The following CAMTA1 variants were observed in gnomAD, a reference collection of about 807,000 sequenced individuals.
CAMTA1 encodes the protein calmodulin binding transcription activator 1, also known as calmodulin-binding transcription activator 1.
CAMTA1 carries 27 observed loss-of-function variants against 170.9 expected under a neutral mutation model. The ratio of observed to expected loss-of-function variants is 0.16; its 90% CI spans 0.12 to 0.22. CAMTA1 has a LOEUF of 0.22. CAMTA1 is among the 10% of genes least tolerant of loss of function. CAMTA1 has a pLI of 1.00. For synonymous variants in CAMTA1, 833 were observed against 891.5 expected (o/e 0.93, Z 1.17); for missense variants, 1,619 against 2,217.2 (o/e 0.73, Z 5.42).
rs749681485 is a variant in CAMTA1 at position 7,732,726 on chromosome 1, G to A, written c.3066+127G>A. ...CCCTGTATTCAGGCAGAAGGCCTGA[G>A]GGAGTACTTTACGGTACCTGTGCTT... On this transcript the variant is annotated intron_variant, in intron 12 of 22. Coordinates refer to ENST00000303635, the MANE Select transcript of CAMTA1 (RefSeq NM_015215.4). The surrounding 1 kb of genome is among the most constrained non-coding windows in gnomAD (Gnocchi z 4.1). 3 of 1,308,696 alleles carry A rather than the reference G, an allele frequency of 2.3e-6. No individual in the cohort carries two copies. Among genetic ancestry groups the A allele is most frequent in the Non-Finnish European group, 2.1e-6 (2 of 971,314 alleles). 81.1% of individuals were successfully genotyped at this position (1,308,696 alleles called of 1,614,324 possible).
chr1:7,410,886 A>G (rs2090663345), intron 5 of CAMTA1, among the ~76,000 whole-genome samples: 1 of 136,930 alleles, frequency 7.3e-6, no homozygotes, highest in South Asian at 2.7e-4. Flanking sequence ...ACGTGCATGG[A>G]GGGTGGGCGT....
At chr1:7,643,304 C>T (rs1006895521) in intron 7 of CAMTA1, among the ~76,000 whole-genome samples, 2 of 152,180 alleles carry the variant, frequency 1.3e-5, no homozygotes, top group African/African-American at 4.8e-5. Context: ...TCCATATGGC[C>T]GGGGAGCAGC....
At chr1:7,059,430 C>A (rs959750312) in intron 3 of CAMTA1, among the ~76,000 whole-genome samples, 1 of 152,120 alleles carries the variant, frequency 6.6e-6, no homozygotes, top group East Asian at 1.9e-4. Context: ...CCAGCCTGGA[C>A]GATATACCGG....
intron 3 of CAMTA1, among the ~76,000 whole-genome samples, chr1:6,920,640 C>G (rs1357387489): frequency 6.6e-6 from 1 of 152,244 alleles, no homozygotes; most frequent in Non-Finnish European, 1.5e-5. Context: ...AAACTTTTTC[C>G]TGGGCATCCA....
intron 4 of CAMTA1, among the ~76,000 whole-genome samples, chr1:7,110,201 TA>T (rs1643929607): frequency 6.6e-6 from 1 of 152,206 alleles, no homozygotes; most frequent in Admixed American, 6.5e-5. Context: ...GGCATCCTGT[TA>T]ACAAGAAGCA....
intron 4 of CAMTA1, among the ~76,000 whole-genome samples, chr1:7,174,587 G>A (rs1055426647): frequency 2.0e-5 from 3 of 152,222 alleles, no homozygotes; most frequent in African/African-American, 7.2e-5. Context: ...CAGACCAGGA[G>A]CAGAGGCTGG....
intron 5 of CAMTA1, among the ~76,000 whole-genome samples, chr1:7,386,734 C>A (rs1377886775): frequency 6.6e-6 from 1 of 152,200 alleles, no homozygotes; most frequent in Non-Finnish European, 1.5e-5. Flanking sequence ...CAAGTGGCAA[C>A]AGCTCCTGTT....
rs1307953410 is a variant in CAMTA1 at position 6,872,256 on chromosome 1, A to G, written c.234+47046A>G. Reference sequence around the variant, plus strand: ...CATCACCACCACCACCACCACCACCACCACCACATACCCTTTCCTCTGCAG... The same window carrying G: ...CATCACCACCACCACCACCACCACCGCCACCACATACCCTTTCCTCTGCAG... On this transcript the variant is annotated intron_variant, in intron 3 of 22. Coordinates refer to ENST00000303635, the MANE Select transcript of CAMTA1 (RefSeq NM_015215.4). Among the ~76,000 whole-genome samples the G allele has an allele frequency of 1.3e-4, 19 of 151,108 alleles. 1 individual carries two copies. The South Asian group carries it at 3.3e-3, about 27-fold the overall frequency.
intron 6 of CAMTA1, among the ~76,000 whole-genome samples, chr1:7,599,341 A>G (rs1232578036): frequency 2.0e-5 from 3 of 152,200 alleles, no homozygotes. Context: ...TGGTTACTGT[A>G]GCCTTGTAGT....
chr1:7,277,456 G>GT (rs1553119337), intron 5 of CAMTA1, among the ~76,000 whole-genome samples: 5 of 135,324 alleles, frequency 3.7e-5, no homozygotes, highest in Non-Finnish European at 7.9e-5. Context: ...TCCAAGCAAT[G>GT]GTGTGTGTGT....
intron 3 of CAMTA1, among the ~76,000 whole-genome samples, chr1:6,857,440 A>G (rs1662862296): frequency 6.6e-6 from 1 of 152,238 alleles, no homozygotes. Context: ...TTGCAGATGA[A>G]GAAGGCTTTG....
chr1:7,326,409 T>C (rs1424413106), intron 5 of CAMTA1, among the ~76,000 whole-genome samples: 1 of 152,184 alleles, frequency 6.6e-6, no homozygotes, highest in African/African-American at 2.4e-5. Flanking sequence ...AAAAGACATA[T>C]GCAAGTCCTA....
At chr1:6,794,257 G>A (rs1641905053) in intron 1 of CAMTA1, among the ~76,000 whole-genome samples, 1 of 152,118 alleles carries the variant, frequency 6.6e-6, no homozygotes, top group Non-Finnish European at 1.5e-5. Flanking sequence ...TCTTAGTGAA[G>A]AAAATGAAAA....
chr1:6,949,073 C>A (rs1351949588), intron 3 of CAMTA1, among the ~76,000 whole-genome samples: 7 of 152,220 alleles, frequency 4.6e-5, no homozygotes, highest in African/African-American at 1.7e-4. Flanking sequence ...AAACTCCTGT[C>A]TTTTCTGAGA....
intron 3 of CAMTA1, among the ~76,000 whole-genome samples, chr1:7,052,851 G>A (rs1706636112): frequency 6.6e-6 from 1 of 152,126 alleles, no homozygotes; most frequent in African/African-American, 2.4e-5. Flanking sequence ...ATCCCTGTCT[G>A]GCTCTCTGGT....
chr1:6,830,340 G>T (rs1649341563), intron 3 of CAMTA1, among the ~76,000 whole-genome samples: 1 of 144,562 alleles, frequency 6.9e-6, no homozygotes, highest in Non-Finnish European at 1.5e-5. Context: ...CACCGCACCT[G>T]GCCTTGTTTT....
At chr1:6,904,855 A>G (rs2149236200) in intron 3 of CAMTA1, among the ~76,000 whole-genome samples, 1 of 148,008 alleles carries the variant, frequency 6.8e-6, no homozygotes, top group South Asian at 2.1e-4. Context: ...AGCCTTCCAA[A>G]CTGCTGGGAT....
chr1:7,276,287 A>ATG (rs1670588442), intron 5 of CAMTA1, among the ~76,000 whole-genome samples: 1 of 58,268 alleles, frequency 1.7e-5, no homozygotes, highest in African/African-American at 1.5e-4. Flanking sequence ...TCATATATAT[A>ATG]TATATATATA....
At chr1:7,602,629 G>T (rs1246910656) in intron 6 of CAMTA1, among the ~76,000 whole-genome samples, 1 of 152,078 alleles carries the variant, frequency 6.6e-6, no homozygotes. Flanking sequence ...TTGATTTTTT[G>T]AAGGGTTTTT....
Sources: gnomAD v4.1 joint callset for allele counts (sites outside exome capture counted in the v4.1 genomes callset) on GRCh38, gnomAD v4.1.1 for gene constraint, Gnocchi (gnomAD v3.1) non-coding constraint, MANE v1.5 for transcripts, NCBI Gene and HGNC (gene_info 2026-07-23, HGNC 2026-07-21) for gene names.